The following CLOCK variants were observed in gnomAD, a reference collection of about 807,000 sequenced individuals.
CLOCK encodes circadian locomoter output cycles protein kaput.
In CLOCK, 43 loss-of-function variants were observed where a neutral mutation model predicts 118.4. The observed-to-expected ratio is 0.36, with a 90% CI of 0.28 to 0.47. The LOEUF (loss-of-function observed/expected upper bound fraction) is 0.47, where lower values mean the gene tolerates loss of function less well. Among genes scored for constraint, CLOCK ranks in the 20% least tolerant of loss-of-function variants. The pLI is 1.00. For synonymous variants in CLOCK, 326 were observed against 339.2 expected, an observed-to-expected ratio of 0.96 and a Z score of 0.43; for missense variants, 846 against 999.9, an observed-to-expected ratio of 0.85 and a Z score of 2.08.
intron 2 of CLOCK, among the ~76,000 whole-genome samples, chr4:55,490,142 T>C (rs1330452446): frequency 6.6e-6 from 1 of 151,142 alleles, no homozygotes; most frequent in African/African-American, 2.4e-5. Flanking sequence ...AAGATTCACC[T>C]CAGATTTAAG....
At chr4:55,447,837 G>C (rs1723996557) in intron 18 of CLOCK, among the ~76,000 whole-genome samples, 1 of 151,990 alleles carries the variant, frequency 6.6e-6, no homozygotes, top group Non-Finnish European at 1.5e-5. Flanking sequence ...GCTAAGTTAA[G>C]GTATATTTAA....
At chr4:55,521,919 G>A (rs1729869838) in intron 1 of CLOCK, among the ~76,000 whole-genome samples, 1 of 152,166 alleles carries the variant, frequency 6.6e-6, no homozygotes, top group Non-Finnish European at 1.5e-5. Context: ...GGAGAGAGCA[G>A]TCCTACAAAT....
intron 7 of CLOCK, among the ~76,000 whole-genome samples, chr4:55,472,903 T>C (rs948559928): frequency 1.3e-5 from 2 of 152,116 alleles, no homozygotes; most frequent in African/African-American, 4.8e-5. Context: ...TTTAGTACAA[T>C]AATGCCAGTA....
intron 1 of CLOCK, among the ~76,000 whole-genome samples, chr4:55,526,948 A>AAC (rs1730239510): frequency 6.7e-6 from 1 of 149,584 alleles, no homozygotes; most frequent in South Asian, 2.3e-4. Flanking sequence ...CTCCGTCTCA[A>AAC]AAAAAAAAAA....
chr4:55,499,970 C>T (rs1255429488), intron 2 of CLOCK, among the ~76,000 whole-genome samples: 2 of 152,100 alleles, frequency 1.3e-5, no homozygotes, highest in East Asian at 1.9e-4. Context: ...GCCAGAGAGA[C>T]GGCTTTCTTC....
chr4:55,487,310 G>A (rs1212517184), intron 3 of CLOCK, among the ~76,000 whole-genome samples: 1 of 152,050 alleles, frequency 6.6e-6, no homozygotes, highest in East Asian at 1.9e-4. Context: ...CACATTTAAG[G>A]GTAAGCGCTA....
At chr4:55,445,923 T>A (rs1365665451) in intron 18 of CLOCK, among the ~76,000 whole-genome samples, 2 of 151,990 alleles carry the variant, frequency 1.3e-5, no homozygotes, top group Non-Finnish European at 2.9e-5. Flanking sequence ...AGGTTCTCTT[T>A]ACTTCTTTTA....
intron 1 of CLOCK, among the ~76,000 whole-genome samples, chr4:55,518,650 C>T (rs1729665971): frequency 6.6e-6 from 1 of 152,162 alleles, no homozygotes; most frequent in South Asian, 2.1e-4. Flanking sequence ...TATAAAAGGC[C>T]TGAGGGAGCT....
chr4:55,534,119 T>A (rs1042550453), intron 1 of CLOCK, among the ~76,000 whole-genome samples: 2 of 152,160 alleles, frequency 1.3e-5, no homozygotes, highest in African/African-American at 4.8e-5. Flanking sequence ...TACTACCCTA[T>A]GATTAACAGC....
At chr4:55,517,270 G>A (rs1457648094) in intron 1 of CLOCK, among the ~76,000 whole-genome samples, 4 of 152,124 alleles carry the variant, frequency 2.6e-5, no homozygotes, top group Non-Finnish European at 5.9e-5. Context: ...CAGCACTTTG[G>A]GAGGCCGAGG....
chr4:55,482,641 G>T, intron 4 of CLOCK, 98 bp downstream of exon 4: 5 of 735,542 alleles, frequency 6.8e-6, no homozygotes, highest in East Asian at 2.8e-5. Context: ...TTATGTTTAG[G>T]CATAAAATTC....
chr4:55,512,383 G>A (rs1304148398), intron 1 of CLOCK, among the ~76,000 whole-genome samples: 1 of 131,716 alleles, frequency 7.6e-6, no homozygotes, highest in African/African-American at 2.5e-5. Context: ...ATCTTCTTTG[G>A]TAAGGTTATC....
intron 3 of CLOCK, among the ~76,000 whole-genome samples, chr4:55,487,921 G>T (rs919854744): frequency 6.6e-6 from 1 of 151,976 alleles, no homozygotes; most frequent in South Asian, 2.1e-4. Context: ...TATGTCTTTC[G>T]TAAAAATCTT....
intron 1 of CLOCK, among the ~76,000 whole-genome samples, chr4:55,536,861 A>G (rs1205157294): frequency 2.0e-5 from 3 of 152,322 alleles, no homozygotes; most frequent in Admixed American, 2.0e-4. Flanking sequence ...TCAATAAAAA[A>G]TTATGAGACA....
chr4:55,435,620 ATTGCT>A (rs1196484287), intron 22 of CLOCK, 26 bp from the exon 23 acceptor site: 7 of 1,611,848 alleles, frequency 4.3e-6, no homozygotes, highest in Non-Finnish European at 5.9e-6. Context: ...ATTATGCAGC[ATTGCT>A]TTACTCCCTT....
intron 1 of CLOCK, among the ~76,000 whole-genome samples, chr4:55,531,703 C>CAAAAAAAAA (rs373796432): frequency 2.9e-4 from 12 of 41,278 alleles, no homozygotes; most frequent in Non-Finnish European, 5.0e-4. Context: ...GACTTCGTCT[C>CAAAAAAAAA]AAAAAAAAAA....
Position 55,475,975 on chromosome 4 carries a change from T to C in CLOCK, c.336A>G (p.Gln112=), listed in dbSNP as rs752166793. 4.3e-6 allele frequency: 7 copies of C among 1,609,260 alleles called. No homozygotes were observed. In the South Asian group the frequency reaches 5.5e-5, roughly 13 times the overall value. The part of the protein sequence containing the change: ...PTFLSNEEFT[Q]LMLEALDGFF... Reference sequence around the variant, plus strand: ...AATCTGGACATACCTCTAACATTAATTGTGTAAACTCTTCATTACTAAGGA... The same window carrying C: ...AATCTGGACATACCTCTAACATTAACTGTGTAAACTCTTCATTACTAAGGA... The change falls in exon 7 of 23, where the codon CAA becomes CAG. Residue 112 remains glutamine, a synonymous_variant. Transcript: ENST00000513440.
intron 8 of CLOCK, among the ~76,000 whole-genome samples, chr4:55,467,712 ATTT>A: frequency 6.6e-6 from 1 of 152,318 alleles, no homozygotes; most frequent in South Asian, 2.1e-4. Flanking sequence ...ATGAAAACAA[ATTT>A]TTTTAAGTTG....
rs1200514370 is a variant in CLOCK at position 55,438,414 on chromosome 4, T to C, written c.2229A>G (p.Thr743=). ...ACAATGTCTGTGACTGTTGCTGTTGTGTAGCAAAAGTAGGATATGCAGTCA... is the reference window on the plus strand; with the variant it reads ...ACAATGTCTGTGACTGTTGCTGTTGCGTAGCAAAAGTAGGATATGCAGTCA... ...QVVTAYPTFA[T]QQQQSQTLSV... Residue 743 remains threonine (T), a synonymous_variant, in exon 22 of 23, where the codon ACA becomes ACG. Coordinates refer to ENST00000513440, the MANE Select transcript of CLOCK (RefSeq NM_004898.4). 14 of 1,613,776 alleles carry C rather than the reference T, an allele frequency of 8.7e-6. No homozygotes were observed. The highest frequency in any genetic ancestry group is 1.1e-5 in the Non-Finnish European group (13 of 1,179,990).
Sources: allele counts gnomAD v4.1 joint callset (sites outside exome capture counted in the v4.1 genomes callset), GRCh38; gene constraint gnomAD v4.1.1; transcripts MANE v1.5; gene names NCBI Gene and HGNC (gene_info 2026-07-23, HGNC 2026-07-21).